SMAP1: variants seen among roughly 807,000 people sequenced by gnomAD.
The protein encoded by SMAP1 is stromal membrane-associated protein 1.
In SMAP1, 24 loss-of-function variants were observed where a neutral mutation model predicts 58.5. That is an observed-to-expected ratio of 0.41 (90% CI 0.30 to 0.58). The LOEUF (loss-of-function observed/expected upper bound fraction) is 0.58. Ranked by LOEUF, SMAP1 falls within the 20% of genes least tolerant of loss-of-function variation. SMAP1 has a pLI of 0.29. For missense variants in SMAP1, 563 were observed against 566.3 expected (o/e 0.99, Z 0.06); for synonymous variants, 216 against 196.6 (o/e 1.10, Z -0.82).
chr6:70,737,281 AC>A (rs1270949525), intron 2 of SMAP1, among the ~76,000 whole-genome samples: 2 of 152,152 alleles, frequency 1.3e-5, no homozygotes, highest in African/African-American at 4.8e-5. Flanking sequence ...AGCTGGGACT[AC>A]AGGCATGAGC....
At chr6:70,787,873 A>G (rs1490393756) in intron 4 of SMAP1, among the ~76,000 whole-genome samples, 1 of 152,004 alleles carries the variant, frequency 6.6e-6, no homozygotes, top group Non-Finnish European at 1.5e-5. Flanking sequence ...TAGTTCAACC[A>G]TTGTGGAAGT....
At chr6:70,770,933 G>T (rs1767267267) in intron 3 of SMAP1, among the ~76,000 whole-genome samples, 2 of 152,104 alleles carry the variant, frequency 1.3e-5, no homozygotes, top group Non-Finnish European at 2.9e-5. Context: ...TTTTGGTGTG[G>T]ATGTCCTTTC....
intron 2 of SMAP1, among the ~76,000 whole-genome samples, chr6:70,745,639 AT>A (rs1203997099): frequency 2.6e-5 from 4 of 152,060 alleles, no homozygotes; most frequent in African/African-American, 9.7e-5. Flanking sequence ...TTTGCTTAGG[AT>A]TGTCTTGGCA....
chr6:70,786,510 A>C (rs1302126161), intron 4 of SMAP1, among the ~76,000 whole-genome samples: 1 of 145,294 alleles, frequency 6.9e-6, no homozygotes, highest in Non-Finnish European at 1.5e-5. Context: ...GAGGAAGTCA[A>C]ATTGTCCCTG....
In SMAP1 at chr6:70,745,898, T is replaced by C. The variant is rs547083886; in HGVS notation, c.253-9082T>C. Among the ~76,000 whole-genome samples the C allele has an allele frequency of 6.6e-5, 10 of 152,332 alleles. No individual in the cohort carries two copies. In the South Asian group the frequency reaches 2.1e-3, roughly 32 times the overall value. On this transcript the variant is annotated intron_variant, in intron 2 of 10. Coordinates refer to ENST00000370455, the MANE Select transcript of SMAP1 (RefSeq NM_001044305.3). ...ATGAAGAGGTCCTTCACATCCCTTG[T>C]AAGTTGGATTCCCAGGTATTTTATT...
chr6:70,718,704 C>G (rs773555016), intron 1 of SMAP1, among the ~76,000 whole-genome samples: 2 of 151,366 alleles, frequency 1.3e-5, no homozygotes, highest in Non-Finnish European at 2.9e-5. Context: ...ACCTGTAATC[C>G]CAGCTACTTG....
chr6:70,833,813 G>T (rs1322888875), intron 6 of SMAP1, among the ~76,000 whole-genome samples: 2 of 152,054 alleles, frequency 1.3e-5, no homozygotes, highest in Non-Finnish European at 2.9e-5. Flanking sequence ...TTTCGTTGTG[G>T]CCCATAAAAT....
At chr6:70,854,210 T>A (rs1397639690) in intron 8 of SMAP1, among the ~76,000 whole-genome samples, 1 of 152,228 alleles carries the variant, frequency 6.6e-6, no homozygotes, top group East Asian at 1.9e-4. Flanking sequence ...TATCTAATAC[T>A]TCTTTTGGAA....
chr6:70,705,643 AGCAAGAAGGAAACATT>A (rs1767807928), intron 1 of SMAP1, among the ~76,000 whole-genome samples: 1 of 152,244 alleles, frequency 6.6e-6, no homozygotes, highest in Non-Finnish European at 1.5e-5. Flanking sequence ...TGGAGTAGAC[AGCAAGAAGGAAACATT>A]CTATTACTTA....
intron 4 of SMAP1, among the ~76,000 whole-genome samples, chr6:70,774,737 A>ATTTT (rs1294376790): frequency 1.4e-5 from 2 of 147,068 alleles, no homozygotes; most frequent in African/African-American, 5.0e-5. Flanking sequence ...AAAAATTTTT[A>ATTTT]TTTTTTTTTC....
Position 70,781,845 on chromosome 6 carries a change from T to C in SMAP1, c.414+8420T>C, listed in dbSNP as rs546675389. Among the ~76,000 whole-genome samples, 957 of 152,338 alleles carry C rather than the reference T, an allele frequency of 6.3e-3. 6 individuals carry two copies. The highest frequency in any genetic ancestry group is 0.022 in the African/African-American group (915 of 41,576). On this transcript the variant is annotated intron_variant, in intron 4 of 10. Transcript: ENST00000370455. Reference sequence around the variant, plus strand: ...ACTTGTTTTACGTGGTCAGTTTTTCTTTTGCATGAGGTAAGTTTATACAAT... The same window carrying C: ...ACTTGTTTTACGTGGTCAGTTTTTCCTTTGCATGAGGTAAGTTTATACAAT...
Position 70,858,050 on chromosome 6 carries a change from C to T in SMAP1, c.1090C>T (p.Pro364Ser). 1 of 1,614,072 alleles carries T rather than the reference C, an allele frequency of 6.2e-7. No individual in the cohort carries two copies. Among genetic ancestry groups the T allele is most frequent in the Non-Finnish European group, 8.5e-7 (1 of 1,179,998 alleles). Residue 364 changes from proline (P) to serine (S), a missense_variant, in exon 10 of 11, where the codon CCA (proline) becomes TCA (serine). Coordinates refer to ENST00000370455, the MANE Select transcript of SMAP1 (RefSeq NM_001044305.3). Reference protein sequence around the residue: ...GLIGNVMGQSPSMMVGMPMPN... With the variant: ...GLIGNVMGQSSSMMVGMPMPN... ...TATAGGAAATGTGATGGGACAGAGT[C>T]CAAGCATGATGGTGGGCATGCCCAT... is the stretch of plus-strand genomic sequence containing the variant.
At chr6:70,710,214 T>C (rs995695217) in intron 1 of SMAP1, among the ~76,000 whole-genome samples, 1 of 151,992 alleles carries the variant, frequency 6.6e-6, no homozygotes, top group Non-Finnish European at 1.5e-5. Context: ...AAAAACAGGC[T>C]GGGTGTGGTA....
chr6:70,668,189 GTGACC>G, intron 1 of SMAP1, 48 bp downstream of exon 1: 1 of 1,510,168 alleles, frequency 6.6e-7, no homozygotes, highest in Non-Finnish European at 9.1e-7. Flanking sequence ...CTTGCGACCG[GTGACC>G]TTCCCGCCGC....
Position 70,680,102 on chromosome 6 carries a change from TCAACAA to T in SMAP1, c.118+11991_118+11996del, listed in dbSNP as rs140699249. Among the ~76,000 whole-genome samples, 722 of 150,460 alleles carry T rather than the reference TCAACAA, an allele frequency of 4.8e-3. 6 individuals carry two copies. Among genetic ancestry groups the T allele is most frequent in the African/African-American group, 0.017 (676 of 40,918 alleles). On this transcript the variant is annotated intron_variant, in intron 1 of 10. Coordinates refer to ENST00000370455, the MANE Select transcript of SMAP1 (RefSeq NM_001044305.3). ...TCAATGGAGAGAAAGGATAGTCTTTTCAACAACAACAACAACAACAACAACAACAAC... is the reference window on the plus strand; with the variant it reads ...TCAATGGAGAGAAAGGATAGTCTTTTCAACAACAACAACAACAACAACAAC...
At chr6:70,735,624 C>G (rs1765589753) in intron 2 of SMAP1, among the ~76,000 whole-genome samples, 1 of 152,112 alleles carries the variant, frequency 6.6e-6, no homozygotes, top group Non-Finnish European at 1.5e-5. Flanking sequence ...CGAAAATTAG[C>G]AGGGTGTGGT....
chr6:70,858,125 C>T lies in SMAP1; in HGVS notation c.1165C>T (p.Gln389Ter), dbSNP rs1277946396. Residue 389 changes from glutamine to a stop codon, truncating the protein, a stop_gained, in exon 10 of 11, where the codon CAG (glutamine) becomes TAG (stop). Coordinates refer to ENST00000370455, the MANE Select transcript of SMAP1 (RefSeq NM_001044305.3). LOFTEE classifies it high-confidence loss of function. Reference protein sequence around the residue: ...NAQTGVMPLPQNVVGPQGGMV... With the variant: ...NAQTGVMPLP ...ACAAACTGGTGTGATGCCACTTCCT[C>T]AGAACGTTGTTGGCCCCCAAGGAGG... The T allele has an allele frequency of 6.2e-7, 1 of 1,613,990 alleles. No individual in the cohort carries two copies. Among genetic ancestry groups the T allele is most frequent in the South Asian group, 1.1e-5 (1 of 91,074 alleles).
At chr6:70,834,818 T>A (rs1018193270) in intron 6 of SMAP1, among the ~76,000 whole-genome samples, 2 of 152,332 alleles carry the variant, frequency 1.3e-5, no homozygotes, top group Non-Finnish European at 2.9e-5. Context: ...TATTTTGAAA[T>A]CCTTTTGCTA....
rs1322065560 is a variant in SMAP1 at position 70,852,548 on chromosome 6, G to A, written c.673G>A (p.Ala225Thr). The part of the protein sequence containing the change: ...TVDLLGLDGP[A>T]VAPVTNGNTT... ...ATCTATATTCTTTTCAGATGGCCCT[G>A]CTGTGGCACCAGTGACCAACGGGAA... The change falls in exon 8 of 11, where the codon GCT becomes ACT. Residue 225 changes from alanine to threonine, a missense_variant. Physicochemically the swap from Ala to Thr is moderately conservative, Grantham distance 58. Transcript: ENST00000370455. The A allele has an allele frequency of 6.3e-7, 1 of 1,592,094 alleles. No individual in the cohort carries two copies. The highest frequency in any genetic ancestry group is 1.8e-5 in the Admixed American group (1 of 56,920).
Sources: allele counts gnomAD v4.1 joint callset (sites outside exome capture counted in the v4.1 genomes callset), GRCh38; gene constraint gnomAD v4.1.1; transcripts MANE v1.5; gene names NCBI Gene and HGNC (gene_info 2026-07-23, HGNC 2026-07-21).